The following BRD10 variants were observed in gnomAD, a reference collection of about 807,000 sequenced individuals.
BRD10 encodes uncharacterized bromodomain-containing protein 10.
the BRD10 span, chr9:5,968,493 T>C: frequency 1.9e-6 from 3 of 1,611,148 alleles, no homozygotes; most frequent in Admixed American, 1.7e-5. Flanking sequence ...TCAGTTTTTT[T>C]AATTTCACAA....
the BRD10 span, among the ~76,000 whole-genome samples, chr9:5,969,999 A>G: frequency 6.6e-6 from 1 of 152,228 alleles, no homozygotes; most frequent in African/African-American, 2.4e-5. Context: ...TATAATGTAT[A>G]TCAACTTCAT....
chr9:5,902,964 C>T, the BRD10 span, among the ~76,000 whole-genome samples: 3 of 152,194 alleles, frequency 2.0e-5, no homozygotes, highest in African/African-American at 7.2e-5. Flanking sequence ...CAATGTCATA[C>T]ATTTCCCTCT....
At chr9:5,904,776 CTT>C in the BRD10 span, among the ~76,000 whole-genome samples, 11 of 128,916 alleles carry the variant, frequency 8.5e-5, no homozygotes, top group Non-Finnish European at 1.2e-4. Flanking sequence ...AGTTACACTT[CTT>C]TTTTTTTTTT....
chr9:5,941,168 T>TA, the BRD10 span, among the ~76,000 whole-genome samples: 1 of 152,242 alleles, frequency 6.6e-6, no homozygotes, highest in Middle Eastern at 3.4e-3. Flanking sequence ...TTCCAATTTT[T>TA]ATTATTTAGA....
At chr9:5,966,580 C>CT in the BRD10 span, among the ~76,000 whole-genome samples, 1 of 147,888 alleles carries the variant, frequency 6.8e-6, no homozygotes, top group Non-Finnish European at 1.5e-5. Flanking sequence ...CTGCCTTAGC[C>CT]TCCCGAGTAG....
chr9:5,994,985 C>T, the BRD10 span, among the ~76,000 whole-genome samples: 3 of 151,804 alleles, frequency 2.0e-5, no homozygotes, highest in East Asian at 3.9e-4. Context: ...CTGCAACCTC[C>T]GCCTCCCTGG....
the BRD10 span, among the ~76,000 whole-genome samples, chr9:5,979,319 G>A: frequency 1.2e-4 from 18 of 152,134 alleles, no homozygotes; most frequent in Non-Finnish European, 2.6e-4. Context: ...TTCGAGACCA[G>A]CCTGGGAAAT....
At chr9:5,949,344 C>T in the BRD10 span, among the ~76,000 whole-genome samples, 147 of 152,112 alleles carry the variant, frequency 9.7e-4, no homozygotes, top group Non-Finnish European at 1.9e-3. Flanking sequence ...GGCGGCAGAG[C>T]GAGACTCCGT....
the BRD10 span, among the ~76,000 whole-genome samples, chr9:5,931,597 CCTT>C: frequency 1.3e-5 from 2 of 152,050 alleles, no homozygotes; most frequent in African/African-American, 2.4e-5. Flanking sequence ...TGTTTTGTGG[CCTT>C]CTTCTCTTTC....
chr9:5,991,125 ATTT>A, the BRD10 span, among the ~76,000 whole-genome samples: 1 of 152,038 alleles, frequency 6.6e-6, no homozygotes, highest in South Asian at 2.1e-4. Flanking sequence ...AACAAAATAT[ATTT>A]TTTAACCCAA....
At chr9:5,910,892 G>C in the BRD10 span, among the ~76,000 whole-genome samples, 595 of 152,264 alleles carry the variant, frequency 3.9e-3, 22 homozygotes, top group Admixed American at 0.036. Flanking sequence ...ATGATGCAAG[G>C]AGCCTGGGTC....
the BRD10 span, chr9:5,891,429 A>T: frequency 6.6e-6 from 1 of 152,152 alleles, no homozygotes; most frequent in African/African-American, 2.4e-5. Flanking sequence ...TCTTTTTTAC[A>T]ACTGGGAAGG....
chr9:5,999,008 T>C, the BRD10 span, among the ~76,000 whole-genome samples: 5 of 152,036 alleles, frequency 3.3e-5, no homozygotes, highest in Admixed American at 3.3e-4. Context: ...AGTATTAAAC[T>C]GTTACAAATA....
At chr9:5,897,890 C>G in the BRD10 span, among the ~76,000 whole-genome samples, 3 of 152,110 alleles carry the variant, frequency 2.0e-5, no homozygotes, top group Non-Finnish European at 4.4e-5. Context: ...TAACATAATA[C>G]GAGAGACTGT....
chr9:5,885,461 C>A, the BRD10 span, among the ~76,000 whole-genome samples: 1 of 151,758 alleles, frequency 6.6e-6, no homozygotes, highest in African/African-American at 2.4e-5. Context: ...ACCTCCACTT[C>A]CCAGGTTGAA....
chr9:5,917,623 G>GGGCGGATCACCTGAGGTC, the BRD10 span, among the ~76,000 whole-genome samples: 1 of 152,216 alleles, frequency 6.6e-6, no homozygotes, highest in East Asian at 1.9e-4. Context: ...CACCTGAGGT[G>GGGCGGATCACCTGAGGTC]GGCGGATCAC....
chr9:5,993,912 G>A, the BRD10 span, among the ~76,000 whole-genome samples: 1 of 152,048 alleles, frequency 6.6e-6, no homozygotes, highest in Non-Finnish European at 1.5e-5. Flanking sequence ...ATTAAATTAG[G>A]AAAGACAGAA....
At chr9:5,918,268 T>C in the BRD10 span, among the ~76,000 whole-genome samples, 1 of 152,244 alleles carries the variant, frequency 6.6e-6, no homozygotes, top group Non-Finnish European at 1.5e-5. Flanking sequence ...AGGAAATCTT[T>C]AGGCCTATGC....
At chr9:5,915,286 T>C in the BRD10 span, among the ~76,000 whole-genome samples, 2 of 152,150 alleles carry the variant, frequency 1.3e-5, no homozygotes, top group Admixed American at 6.5e-5. Context: ...CTGACTGGTC[T>C]CCCTGTCTTT....
Sources: allele counts gnomAD v4.1 joint callset (sites outside exome capture counted in the v4.1 genomes callset), GRCh38; gene constraint gnomAD v4.1.1; transcripts MANE v1.5; gene names NCBI Gene and HGNC (gene_info 2026-07-23, HGNC 2026-07-21).